The following LRP1B variants were observed in gnomAD, a reference collection of about 807,000 sequenced individuals.
LRP1B encodes low-density lipoprotein receptor-related protein 1B.
A neutral mutation model predicts 556.6 loss-of-function variants in LRP1B; 217 were observed. The observed-to-expected ratio is 0.39, with a 90% CI of 0.35 to 0.44. The LOEUF (loss-of-function observed/expected upper bound fraction) is 0.44. Ranked by LOEUF, LRP1B falls within the 20% of genes least tolerant of loss-of-function variation. The probability of loss-of-function intolerance (pLI) is 1.00; values close to 1 mark genes in which losing one functional copy is unlikely to be tolerated. For synonymous variants in LRP1B, 2,047 were observed against 1,865.8 expected (o/e 1.10, Z -2.50); for missense variants, 5,053 against 5,620.8 (o/e 0.90, Z 3.23).
chr2:140,619,207 C>A (rs1396561096), intron 41 of LRP1B, among the ~76,000 whole-genome samples: 1 of 151,762 alleles, frequency 6.6e-6, no homozygotes, highest in Non-Finnish European at 1.5e-5. Context: ...CCTATCATTC[C>A]CTGACACTCT....
At chr2:141,486,883 C>A (rs1161131258) in intron 2 of LRP1B, among the ~76,000 whole-genome samples, 1 of 152,174 alleles carries the variant, frequency 6.6e-6, no homozygotes, top group Non-Finnish European at 1.5e-5. Context: ...ACGCTAGCCT[C>A]TGCTTCTAAC....
chr2:140,549,247 G>A (rs542999878), intron 43 of LRP1B, among the ~76,000 whole-genome samples: 1 of 152,238 alleles, frequency 6.6e-6, no homozygotes, highest in Admixed American at 6.5e-5. Context: ...TGCCAATGAT[G>A]CTGATTCAGG....
At chr2:140,293,988 T>C (rs1683503537) in intron 84 of LRP1B, among the ~76,000 whole-genome samples, 1 of 152,216 alleles carries the variant, frequency 6.6e-6, no homozygotes, top group Admixed American at 6.5e-5. Flanking sequence ...AATGCAGCTC[T>C]TTATAAAGCA....
chr2:140,411,935 G>T (rs1684984322), intron 66 of LRP1B, among the ~76,000 whole-genome samples: 1 of 151,974 alleles, frequency 6.6e-6, no homozygotes, highest in Non-Finnish European at 1.5e-5. Context: ...AAACTTCTCA[G>T]GTATCAGAAT....
intron 3 of LRP1B, among the ~76,000 whole-genome samples, chr2:141,429,010 G>A (rs1404284422): frequency 1.3e-5 from 2 of 152,132 alleles, no homozygotes; most frequent in Non-Finnish European, 2.9e-5. Context: ...AGGTCCCACT[G>A]ATGCACTGGT....
intron 1 of LRP1B, 109 bp downstream of exon 1, chr2:142,130,539 G>T: frequency 2.2e-6 from 2 of 908,826 alleles, no homozygotes; most frequent in Non-Finnish European, 1.7e-6. Flanking sequence ...CCCGGTCCCG[G>T]GGAGCGGAGC....
chr2:140,832,142 T>A (rs1401924123), intron 31 of LRP1B, among the ~76,000 whole-genome samples: 1 of 152,132 alleles, frequency 6.6e-6, no homozygotes, highest in Non-Finnish European at 1.5e-5. Flanking sequence ...ATATATGATT[T>A]TTTTTTCAAA....
chr2:141,908,380 T>G (rs1213011432), intron 1 of LRP1B, among the ~76,000 whole-genome samples: 1 of 152,054 alleles, frequency 6.6e-6, no homozygotes, highest in Admixed American at 6.6e-5. Flanking sequence ...AGCAGCAGTC[T>G]CTGTTCTGGA....
intron 2 of LRP1B, among the ~76,000 whole-genome samples, chr2:141,552,180 G>A (rs534779397): frequency 1.3e-5 from 2 of 152,042 alleles, no homozygotes; most frequent in South Asian, 2.1e-4. Flanking sequence ...TGGTATCAAG[G>A]AAACTAATTA....
intron 59 of LRP1B, among the ~76,000 whole-genome samples, chr2:140,482,641 T>C (rs1233222210): frequency 5.3e-5 from 8 of 152,148 alleles, no homozygotes; most frequent in Non-Finnish European, 4.4e-5. Flanking sequence ...ACTTGTATCT[T>C]TACGTTCCTA....
intron 31 of LRP1B, among the ~76,000 whole-genome samples, chr2:140,819,996 T>C (rs1041307677): frequency 2.0e-5 from 3 of 152,132 alleles, no homozygotes; most frequent in African/African-American, 7.2e-5. Context: ...CATATAAACC[T>C]TTAAATTACT....
rs564929911 is a variant in LRP1B, at chr2:140,610,368, T to A, written c.6800-8729A>T. ...AATCCATTGAGCAATCAAAATCACT[T>A]GTGGAATAAATCAATATGTATTTCT... On this transcript the variant is annotated intron_variant, in intron 41 of 90. Coordinates refer to ENST00000389484, the MANE Select transcript of LRP1B (RefSeq NM_018557.3). Among the ~76,000 whole-genome samples, 56 of 152,294 alleles carry A rather than the reference T, an allele frequency of 3.7e-4. 1 individual carries two copies. The highest frequency in any genetic ancestry group is 3.4e-3 in the Middle Eastern group (1 of 294).
chr2:140,352,821 C>A, intron 76 of LRP1B, 132 bp downstream of exon 76: 1 of 849,012 alleles, frequency 1.2e-6, no homozygotes. Context: ...AACCAACTGG[C>A]CAAATTAATC....
chr2:140,460,035 T>C (rs962392153), intron 60 of LRP1B, among the ~76,000 whole-genome samples: 31 of 152,210 alleles, frequency 2.0e-4, no homozygotes, highest in African/African-American at 6.8e-4. Flanking sequence ...TAGTCTCAGA[T>C]AGTTCTTTAG....
chr2:140,967,571 A>C (rs1696269481), intron 18 of LRP1B, among the ~76,000 whole-genome samples: 1 of 151,958 alleles, frequency 6.6e-6, no homozygotes, highest in South Asian at 2.1e-4. Flanking sequence ...AACTTCCAAC[A>C]CTATGTTGAA....
intron 1 of LRP1B, among the ~76,000 whole-genome samples, chr2:141,904,237 T>G (rs1335804593): frequency 1.3e-5 from 2 of 151,912 alleles, no homozygotes; most frequent in Non-Finnish European, 2.9e-5. Flanking sequence ...GGAGGCTGTT[T>G]ATGTAGTCCA....
chr2:140,329,980 G>A (rs1359302592), intron 79 of LRP1B, among the ~76,000 whole-genome samples: 4 of 151,630 alleles, frequency 2.6e-5, no homozygotes, highest in African/African-American at 9.7e-5. Flanking sequence ...CGGGTTGATC[G>A]CTTGAGATCT....
intron 43 of LRP1B, among the ~76,000 whole-genome samples, chr2:140,576,580 C>A (rs1374094338): frequency 6.6e-6 from 1 of 152,178 alleles, no homozygotes; most frequent in Non-Finnish European, 1.5e-5. Flanking sequence ...CATATATAAT[C>A]TAAGATCAGC....
intron 7 of LRP1B, among the ~76,000 whole-genome samples, chr2:141,140,306 T>C (rs1375948628): frequency 2.0e-5 from 3 of 152,092 alleles, no homozygotes; most frequent in South Asian, 2.1e-4. Flanking sequence ...GTGTCGCTTA[T>C]TGAACGTCAA....
Sources: allele counts gnomAD v4.1 joint callset (sites outside exome capture counted in the v4.1 genomes callset), GRCh38; gene constraint gnomAD v4.1.1; transcripts MANE v1.5; gene names NCBI Gene and HGNC (gene_info 2026-07-23, HGNC 2026-07-21).